Variants in ARSH observed in about 807,000 individuals in gnomAD.
ARSH encodes the protein arylsulfatase H.
Under a neutral mutation model 28.7 loss-of-function variants are expected in ARSH, and 32 were observed. That is an observed-to-expected ratio of 1.11 (90% CI 0.84 to 1.50). The LOEUF (loss-of-function observed/expected upper bound fraction) is 1.50, where lower values mean the gene tolerates loss of function less well. Ranked by LOEUF, ARSH falls within the 40% of genes most tolerant of loss-of-function variation. ARSH has a pLI of 0.00. For missense variants in ARSH, 440 were observed against 452.4 expected (o/e 0.97, Z 0.25); for synonymous variants, 176 against 177.3 (o/e 0.99, Z 0.06).
In ARSH at chrX:3,015,107, C is replaced by T. The variant is rs923958226; in HGVS notation, c.478C>T (p.His160Tyr). Residue 160 changes from histidine to tyrosine, a missense_variant, in exon 4 of 9, where the codon CAC (histidine) becomes TAC (tyrosine). Transcript: ENST00000381130. ...CCAGGCATCCAAGACACCAGAACTG[C>T]ACCGCTGGCTCAGGATCAAACTGTG... ...DCQASKTPEL[H>Y]RWLRIKLWIS... is the part of the protein sequence containing the mutation. 1 of 1,210,126 alleles carries T rather than the reference C, an allele frequency of 8.3e-7. No homozygotes were observed. Among genetic ancestry groups the T allele is most frequent in the Non-Finnish European group, 1.1e-6 (1 of 894,677 alleles).
chrX:3,023,881 A>G, intron 5 of ARSH, 140 bp from the exon 6 acceptor site: 1 of 552,220 alleles, frequency 1.8e-6, no homozygotes, highest in South Asian at 3.7e-5. Context: ...ACAATATTAT[A>G]TGATTAATTA....
Position 3,010,138 on chromosome X carries a change from C to A in ARSH, c.201C>A (p.Tyr67Ter). ...PSRAAFLTGR[Y>*]PIRSGMVSAY... ...GGGCTGCCTTCCTGACCGGCCGGTACCCCATCAGATCAGGTGAGGCAATAA... is the reference window on the plus strand; with the variant it reads ...GGGCTGCCTTCCTGACCGGCCGGTAACCCATCAGATCAGGTGAGGCAATAA... Residue 67 changes from tyrosine (Y) to a stop codon, truncating the protein, a stop_gained, in exon 2 of 9, where the codon TAC (tyrosine) becomes TAA (stop). Coordinates refer to ENST00000381130, the MANE Select transcript of ARSH (RefSeq NM_001011719.2). LOFTEE classifies it high-confidence loss of function. 1 of 1,211,073 alleles carries A rather than the reference C, an allele frequency of 8.3e-7. No individual in the cohort carries two copies. The highest frequency in any genetic ancestry group is 1.1e-6 in the Non-Finnish European group (1 of 895,082).
At chrX:3,014,329 TATA>T (rs1569123105) in intron 3 of ARSH, among the ~76,000 whole-genome samples, 1 of 111,605 alleles carries the variant, frequency 9.0e-6, no homozygotes, top group Non-Finnish European at 1.9e-5. Context: ...AAGTGTTGAA[TATA>T]ATAATGTGTG....
At chrX:3,024,505 C>A (rs972213248) in intron 6 of ARSH, among the ~76,000 whole-genome samples, 3 of 110,379 alleles carry the variant, frequency 2.7e-5, no homozygotes, top group Non-Finnish European at 5.7e-5. Context: ...TGGGCTCCAC[C>A]CACACATGCC....
chrX:3,012,948 C>A, intron 2 of ARSH, 99 bp from the exon 3 acceptor site: 1 of 1,035,314 alleles, frequency 9.7e-7, no homozygotes, highest in Non-Finnish European at 1.3e-6. Flanking sequence ...GGAAGAATGG[C>A]TTTGAGGAGG....
chrX:3,013,152 G>A lies in ARSH; in HGVS notation c.320G>A (p.Gly107Asp), dbSNP rs752234698. The A allele has an allele frequency of 8.3e-6, 10 of 1,207,920 alleles. No individual in the cohort carries two copies. The highest frequency in any genetic ancestry group is 2.2e-5 in the Admixed American group (1 of 45,438). ...TTTGCCAAGCTGCTGCAGCACCGTGGCTACCGCACGGGACTCATAGGTATG... is the reference window on the plus strand; with the variant it reads ...TTTGCCAAGCTGCTGCAGCACCGTGACTACCGCACGGGACTCATAGGTATG... ...TTFAKLLQHR[G>D]YRTGLIGKWH... The change falls in exon 3 of 9, where the codon GGC (glycine) becomes GAC (aspartate). Residue 107 changes from glycine (G) to aspartate (D), a missense_variant. Coordinates refer to ENST00000381130, the MANE Select transcript of ARSH (RefSeq NM_001011719.2).
Position 3,015,202 on chromosome X carries a change from A to G in ARSH, c.573A>G (p.Ser191=). 1 of 1,210,410 alleles carries G rather than the reference A, an allele frequency of 8.3e-7. No homozygotes were observed. Among genetic ancestry groups the G allele is most frequent in the Admixed American group, 2.2e-5 (1 of 45,819 alleles). Residue 191 remains serine, a synonymous_variant, in exon 4 of 9, where the codon TCA becomes TCG. Coordinates refer to ENST00000381130, the MANE Select transcript of ARSH (RefSeq NM_001011719.2). The part of the protein sequence containing the change: ...LLIPKFARWF[S]VPWKVIFVFA... ...TTCCCAAGTTCGCCCGCTGGTTCTCAGTGCCATGGAAGGTCATCTTTGTCT... is the reference window on the plus strand; with the variant it reads ...TTCCCAAGTTCGCCCGCTGGTTCTCGGTGCCATGGAAGGTCATCTTTGTCT...
chrX:3,021,384 G>A (rs2147457964), intron 5 of ARSH, among the ~76,000 whole-genome samples: 1 of 111,822 alleles, frequency 8.9e-6, no homozygotes, highest in South Asian at 3.7e-4. Flanking sequence ...GAGAAATGAT[G>A]AGTAGCTATT....
At chrX:3,024,179 G>A (rs1199701228) in intron 6 of ARSH, 24 bp downstream of exon 6, 10 of 1,129,104 alleles carry the variant, frequency 8.9e-6, no homozygotes, top group African/African-American at 1.9e-5. Context: ...GAGAACCAAC[G>A]CCTGTCCATT....
intron 3 of ARSH, 92 bp downstream of exon 3, chrX:3,013,264 G>A (rs1389392458): frequency 9.8e-7 from 1 of 1,016,783 alleles, no homozygotes; most frequent in Admixed American, 3.1e-5. Flanking sequence ...GGCTTTGTGC[G>A]CGCCAGTTTG....
At chrX:3,026,910 G>A (rs765372021) in intron 6 of ARSH, among the ~76,000 whole-genome samples, 6 of 110,927 alleles carry the variant, frequency 5.4e-5, no homozygotes, top group Admixed American at 4.8e-4. Context: ...GGAGTGCAGT[G>A]GCACAATCTC....
intron 8 of ARSH, among the ~76,000 whole-genome samples, chrX:3,029,701 T>C (rs1274137859): frequency 1.8e-5 from 2 of 109,409 alleles, no homozygotes; most frequent in Non-Finnish European, 3.8e-5. Context: ...TAGTTAATTT[T>C]TGTATTTTTA....
At chrX:3,020,772 C>T (rs1257415236) in intron 5 of ARSH, among the ~76,000 whole-genome samples, 1 of 110,474 alleles carries the variant, frequency 9.1e-6, no homozygotes, top group East Asian at 2.8e-4. Flanking sequence ...TAAAGCTAAG[C>T]TCTGTATTTC....
At chrX:3,013,772 TA>T (rs1401493745) in intron 3 of ARSH, among the ~76,000 whole-genome samples, 1 of 111,109 alleles carries the variant, frequency 9.0e-6, no homozygotes, top group East Asian at 2.8e-4. Flanking sequence ...ATGTGAATTG[TA>T]AGCCACAGCT....
intron 4 of ARSH, 116 bp from the exon 5 acceptor site, chrX:3,018,418 C>T (rs1473572647): frequency 1.8e-5 from 13 of 719,494 alleles, no homozygotes; most frequent in Non-Finnish European, 2.1e-6. Context: ...ATCTAAAGTA[C>T]ATAGAAAACC....
intron 2 of ARSH, among the ~76,000 whole-genome samples, chrX:3,012,266 G>A (rs1009310351): frequency 1.5e-4 from 16 of 108,023 alleles, no homozygotes; most frequent in Admixed American, 6.1e-4. Flanking sequence ...GGCCAGGCAC[G>A]GTGGCTCACA....
intron 1 of ARSH, among the ~76,000 whole-genome samples, chrX:3,008,001 A>T (rs1029432408): frequency 1.3e-4 from 15 of 111,843 alleles, no homozygotes; most frequent in African/African-American, 4.9e-4. Flanking sequence ...CCATCTTCAA[A>T]TACAGTCACA....
chrX:3,023,184 TATA>T lies in ARSH; in HGVS notation c.902-832_902-830del, dbSNP rs1438776465. Among the ~76,000 whole-genome samples, 668 of 104,378 alleles carry T rather than the reference TATA, an allele frequency of 6.4e-3. 6 individuals carry two copies. The highest frequency in any genetic ancestry group is 0.022 in the African/African-American group (634 of 29,292). 90.6% of individuals were successfully genotyped at this position (104,378 alleles called of 115,157 possible). A position where few individuals can be genotyped will look rare whatever the true frequency, so the allele number is the denominator to read the frequency against. On this transcript the variant is annotated intron_variant, in intron 5 of 8. Coordinates refer to ENST00000381130, the MANE Select transcript of ARSH (RefSeq NM_001011719.2). ...AATATAATTTATATAATTACATTAATATAATAAAATTAATTAAAGTAATATGTG... is the reference window on the plus strand; with the variant it reads ...AATATAATTTATATAATTACATTAATATAAAATTAATTAAAGTAATATGTG...
intron 2 of ARSH, among the ~76,000 whole-genome samples, chrX:3,012,127 G>T (rs1201148660): frequency 1.8e-5 from 2 of 112,229 alleles, no homozygotes; most frequent in African/African-American, 6.5e-5. Context: ...GTAAGCCACT[G>T]AGCCCGGCCT....
Sources: allele counts gnomAD v4.1 joint callset (sites outside exome capture counted in the v4.1 genomes callset), GRCh38; gene constraint gnomAD v4.1.1; transcripts MANE v1.5; gene names NCBI Gene and HGNC (gene_info 2026-07-23, HGNC 2026-07-21).